The following VEGFD variants were observed in gnomAD, a reference collection of about 807,000 sequenced individuals.
The protein encoded by VEGFD is vascular endothelial growth factor D, also known as c-fos induced growth factor (vascular endothelial growth factor D).
In VEGFD, 26 loss-of-function variants were observed where a neutral mutation model predicts 28.0. That is an observed-to-expected ratio of 0.93 (90% CI 0.68 to 1.29). VEGFD has a LOEUF of 1.29. Among genes scored for constraint, VEGFD ranks in the 50% most tolerant of loss-of-function variants. The pLI is 0.00. For missense variants in VEGFD, 294 were observed against 273.4 expected (o/e 1.08, Z -0.53); for synonymous variants, 93 against 95.5 (o/e 0.97, Z 0.15).
intron 1 of VEGFD, among the ~76,000 whole-genome samples, chrX:15,369,449 T>A (rs1210362146): frequency 3.6e-5 from 4 of 110,602 alleles, no homozygotes; most frequent in Non-Finnish European, 7.6e-5. Context: ...GCTGGTGAAA[T>A]GAGATACCAC....
Position 15,346,001 on chromosome X carries a change from T to C in VEGFD, c.*132A>G. On this transcript the variant is annotated 3_prime_UTR_variant, in exon 7 of 7. Transcript: ENST00000297904. The stretch of plus-strand genomic sequence containing the variant: ...CTCCTTAGCTGGTGTGAATGGAAGG[T>C]TGGTCTGGATTCACTGTGGTGCTGT... The C allele has an allele frequency of 6.6e-6, 5 of 756,466 alleles. No homozygotes were observed. In the Admixed American group the frequency reaches 1.3e-4, roughly 19 times the overall value. 62.3% of individuals were successfully genotyped at this position (756,466 alleles called of 1,213,427 possible). A position where few individuals can be genotyped will look rare whatever the true frequency, so the allele number is the denominator to read the frequency against.
At chrX:15,353,932 G>A (rs1431617010) in intron 4 of VEGFD, among the ~76,000 whole-genome samples, 1 of 110,445 alleles carries the variant, frequency 9.1e-6, no homozygotes, top group African/African-American at 3.3e-5. Flanking sequence ...GTTTATTTAC[G>A]AAAATTAAAT....
chrX:15,377,477 G>A (rs1377466947), intron 1 of VEGFD, among the ~76,000 whole-genome samples: 1 of 112,040 alleles, frequency 8.9e-6, no homozygotes, highest in Non-Finnish European at 1.9e-5. Flanking sequence ...CTCCTCCCAA[G>A]TTGTCTCAAT....
rs780519016 is a variant in VEGFD at position 15,375,418 on chromosome X, G to T, written c.90+8439C>A. ...TATAGGGTGTACTAACTAGGGCAGGGAGAACGCACACTTGCTAATAATTAT... is the reference window on the plus strand; with the variant it reads ...TATAGGGTGTACTAACTAGGGCAGGTAGAACGCACACTTGCTAATAATTAT... On this transcript the variant is annotated intron_variant, in intron 1 of 6. Transcript: ENST00000297904. Among the ~76,000 whole-genome samples the T allele has an allele frequency of 1.2e-3, 129 of 111,884 alleles. 1 individual carries two copies. The highest frequency in any genetic ancestry group is 4.1e-3 in the African/African-American group (125 of 30,802).
At chrX:15,351,221 T>C (rs1922715801) in intron 5 of VEGFD, among the ~76,000 whole-genome samples, 1 of 99,612 alleles carries the variant, frequency 1.0e-5, no homozygotes, top group South Asian at 5.0e-4. Context: ...GTTCACGCCA[T>C]TCTCCTGCCT....
intron 5 of VEGFD, among the ~76,000 whole-genome samples, chrX:15,350,756 TTTTC>T (rs1338831107): frequency 3.0e-5 from 3 of 101,193 alleles, no homozygotes; most frequent in South Asian, 9.9e-4. Context: ...CTTCCTTTCT[TTTTC>T]TTTCTTTTCT....
chrX:15,372,078 A>G (rs1452539905), intron 1 of VEGFD, among the ~76,000 whole-genome samples: 1 of 111,761 alleles, frequency 8.9e-6, no homozygotes, highest in Non-Finnish European at 1.9e-5. Context: ...AAAAAGATTT[A>G]CACCTATTTA....
intron 1 of VEGFD, among the ~76,000 whole-genome samples, chrX:15,373,127 T>C (rs1304850086): frequency 8.9e-6 from 1 of 112,165 alleles, no homozygotes. Context: ...GTACAAATTA[T>C]AATCTTTTCA....
At chrX:15,364,551 C>G (rs1923099896) in intron 1 of VEGFD, among the ~76,000 whole-genome samples, 1 of 112,027 alleles carries the variant, frequency 8.9e-6, no homozygotes. Flanking sequence ...GAGATCCTTC[C>G]TGGAATGTGC....
intron 1 of VEGFD, among the ~76,000 whole-genome samples, chrX:15,373,490 G>A (rs1409764064): frequency 1.8e-5 from 2 of 112,273 alleles, no homozygotes; most frequent in African/African-American, 3.2e-5. Context: ...TTGTCAAATT[G>A]TGTTGGCAAT....
chrX:15,367,248 G>T (rs775542604), intron 1 of VEGFD, among the ~76,000 whole-genome samples: 3 of 112,305 alleles, frequency 2.7e-5, no homozygotes, highest in Non-Finnish European at 3.8e-5. Context: ...AGCTCAGTGA[G>T]CTCATACCTG....
intron 1 of VEGFD, among the ~76,000 whole-genome samples, chrX:15,380,241 G>T (rs1207224156): frequency 8.9e-6 from 1 of 112,575 alleles, no homozygotes; most frequent in African/African-American, 3.2e-5. Flanking sequence ...ATCGGGCAGG[G>T]AGAAGGAGTG....
chrX:15,365,159 G>A (rs1333636365), intron 1 of VEGFD, among the ~76,000 whole-genome samples: 1 of 112,006 alleles, frequency 8.9e-6, no homozygotes, highest in Non-Finnish European at 1.9e-5. Flanking sequence ...TCGAGACCGA[G>A]TCTGGCTCTG....
chrX:15,364,823 G>A (rs1422020363), intron 1 of VEGFD, among the ~76,000 whole-genome samples: 1 of 112,196 alleles, frequency 8.9e-6, no homozygotes, highest in Non-Finnish European at 1.9e-5. Context: ...AAAAGGCTTT[G>A]CATTGGGTAG....
chrX:15,356,586 G>C (rs1922873247), intron 3 of VEGFD, among the ~76,000 whole-genome samples: 1 of 111,901 alleles, frequency 8.9e-6, no homozygotes, highest in Admixed American at 9.5e-5. Flanking sequence ...GAACTTCCAT[G>C]AGTCTCAGTG....
intron 1 of VEGFD, among the ~76,000 whole-genome samples, chrX:15,371,791 G>T (rs187614729): frequency 8.9e-6 from 1 of 112,163 alleles, no homozygotes; most frequent in Non-Finnish European, 1.9e-5. Context: ...TATCAGTAGC[G>T]CCATTGAACC....
At chrX:15,347,118 T>C in intron 6 of VEGFD, 46 bp downstream of exon 6, 1 of 1,103,711 alleles carries the variant, frequency 9.1e-7, no homozygotes, top group Non-Finnish European at 1.2e-6. Flanking sequence ...AAATGGCATC[T>C]ACGTTAAATG....
intron 1 of VEGFD, among the ~76,000 whole-genome samples, chrX:15,376,274 C>T (rs779559646): frequency 9.0e-6 from 1 of 111,702 alleles, no homozygotes. Context: ...CTATTTCCAC[C>T]ATCATTGCAA....
intron 3 of VEGFD, among the ~76,000 whole-genome samples, chrX:15,356,380 T>C (rs968847314): frequency 8.9e-6 from 1 of 112,246 alleles, no homozygotes; most frequent in Non-Finnish European, 1.9e-5. Flanking sequence ...GGGCGAGAGA[T>C]AGTTTTTAAA....
Sources: allele counts gnomAD v4.1 joint callset (sites outside exome capture counted in the v4.1 genomes callset), GRCh38; gene constraint gnomAD v4.1.1; transcripts MANE v1.5; gene names NCBI Gene and HGNC (gene_info 2026-07-23, HGNC 2026-07-21).